TMEM63C: variants seen among roughly 807,000 people sequenced by gnomAD.
The protein encoded by TMEM63C is osmosensitive cation channel TMEM63C.
TMEM63C carries 32 observed loss-of-function variants against 99.2 expected under a neutral mutation model. That is an observed-to-expected ratio of 0.32 (90% CI 0.24 to 0.43). TMEM63C has a LOEUF of 0.43. TMEM63C is among the 20% of genes least tolerant of loss of function. TMEM63C has a pLI of 1.00. For missense variants in TMEM63C, 826 were observed against 1,053.0 expected (o/e 0.78, Z 2.98); for synonymous variants, 376 against 397.9 (o/e 0.94, Z 0.66).
intron 1 of TMEM63C, among the ~76,000 whole-genome samples, chr14:77,186,801 C>CTG (rs1240827650): frequency 0.12 from 17,968 of 146,364 alleles, 1,147 homozygotes; most frequent in South Asian, 0.16. Flanking sequence ...GTGTGTGTGT[C>CTG]TGTGTGTGTG....
chr14:77,234,201 C>T (rs406472), intron 8 of TMEM63C, among the ~76,000 whole-genome samples: 9,814 of 152,278 alleles, frequency 0.064, 412 homozygotes, highest in Admixed American at 0.1. Context: ...GCAGAAGCAG[C>T]TCCAGCAAGT....
At chr14:77,215,479 T>C (rs2140105958) in intron 2 of TMEM63C, among the ~76,000 whole-genome samples, 1 of 151,108 alleles carries the variant, frequency 6.6e-6, no homozygotes, top group East Asian at 2.0e-4. Context: ...TGGGCACCTG[T>C]AGTCCGAGCT....
rs116692631 is a variant in TMEM63C, at chr14:77,197,846, G to A, written c.-76-15600G>A. ...TAATGTTTGTTGGGAGAGGGTTTCC[G>A]CTCTCAGAGTGGGTGAACTGAGTCC... On this transcript the variant is annotated intron_variant, in intron 1 of 23. Transcript: ENST00000298351. Among the ~76,000 whole-genome samples, 438 of 152,326 alleles carry A rather than the reference G, an allele frequency of 2.9e-3. 3 individuals are homozygous for A. The highest frequency in any genetic ancestry group is 0.01 in the African/African-American group (417 of 41,578).
chr14:77,191,923 A>T (rs941451202), intron 1 of TMEM63C, among the ~76,000 whole-genome samples: 1 of 152,036 alleles, frequency 6.6e-6, no homozygotes, highest in Non-Finnish European at 1.5e-5. Context: ...TCCAATTATT[A>T]TTGTGGTGTG....
chr14:77,204,685 G>A lies in TMEM63C; in HGVS notation c.-76-8761G>A, dbSNP rs1723233733. Reference sequence around the variant, plus strand: ...CCGTAAACAACATCGAATGTACTAGGTACAACAAGGAAAATTATACTTAAC... The same window carrying A: ...CCGTAAACAACATCGAATGTACTAGATACAACAAGGAAAATTATACTTAAC... On this transcript the variant is annotated intron_variant, in intron 1 of 23. Coordinates refer to ENST00000298351, the MANE Select transcript of TMEM63C (RefSeq NM_020431.4). 2.0e-5 allele frequency among the ~76,000 whole-genome samples: 3 copies of A among 152,180 alleles called. No individual in the cohort carries two copies. In the South Asian group the frequency reaches 6.2e-4, roughly 31 times the overall value.
chr14:77,192,359 A>G (rs1888126043), intron 1 of TMEM63C, among the ~76,000 whole-genome samples: 1 of 152,218 alleles, frequency 6.6e-6, no homozygotes, highest in African/African-American at 2.4e-5. Flanking sequence ...TCCTAGGTCC[A>G]GTAGAGTGGA....
chr14:77,225,722 C>T (rs774944440), intron 6 of TMEM63C, among the ~76,000 whole-genome samples: 30 of 152,140 alleles, frequency 2.0e-4, no homozygotes, highest in Admixed American at 4.6e-4. Context: ...AATCATTACT[C>T]GCGTGCTTAT....
chr14:77,219,058 G>A lies in TMEM63C; in HGVS notation c.150+95G>A, dbSNP rs556627903. Reference sequence around the variant, plus strand: ...AGTGGGGGACCCAGTTGTCCAAATGGACAACAACAACATTGATACAAACTG... The same window carrying A: ...AGTGGGGGACCCAGTTGTCCAAATGAACAACAACAACATTGATACAAACTG... On this transcript the variant is annotated intron_variant, in intron 3 of 23. Transcript: ENST00000298351. The A allele has an allele frequency of 3.4e-4, 449 of 1,316,012 alleles. 4 individuals carry two copies. In the South Asian group the frequency reaches 6.9e-3, roughly 20 times the overall value. The allele number at this position is 1,316,012 out of a possible 1,614,324, so 81.5% of individuals were successfully genotyped here. A position where few individuals can be genotyped will look rare whatever the true frequency, so the allele number is the denominator to read the frequency against.
intron 6 of TMEM63C, among the ~76,000 whole-genome samples, chr14:77,225,809 C>T (rs901374099): frequency 1.3e-5 from 2 of 152,058 alleles, no homozygotes; most frequent in African/African-American, 4.8e-5. Context: ...CTGTGAACAT[C>T]ATTCAACATA....
At chr14:77,243,167 G>C in intron 15 of TMEM63C, 111 bp downstream of exon 15, 1 of 1,294,740 alleles carries the variant, frequency 7.7e-7, no homozygotes. Context: ...AGCCCATACA[G>C]TGCGAACATT....
At chr14:77,198,700 G>A (rs1353486721) in intron 1 of TMEM63C, among the ~76,000 whole-genome samples, 13 of 152,196 alleles carry the variant, frequency 8.5e-5, no homozygotes, top group Non-Finnish European at 1.0e-4. Flanking sequence ...AATAGTGGTG[G>A]TTTTTGGCAG....
intron 2 of TMEM63C, among the ~76,000 whole-genome samples, chr14:77,215,569 C>T (rs1437913710): frequency 6.1e-5 from 8 of 132,142 alleles, no homozygotes; most frequent in Non-Finnish European, 1.1e-4. Flanking sequence ...CCACTGCACT[C>T]CAGCCTAAGC....
chr14:77,183,241 C>A (rs1309922212), intron 1 of TMEM63C, among the ~76,000 whole-genome samples: 1 of 152,104 alleles, frequency 6.6e-6, no homozygotes, highest in African/African-American at 2.4e-5. Flanking sequence ...TCCCCAGCCA[C>A]CAAAGGGCAG....
intron 9 of TMEM63C, among the ~76,000 whole-genome samples, chr14:77,238,313 T>C (rs1889096590): frequency 6.6e-6 from 1 of 151,970 alleles, no homozygotes; most frequent in African/African-American, 2.4e-5. Flanking sequence ...CACTGTGGGG[T>C]CGCTCTGGCA....
At chr14:77,224,728 ATGC>A (rs1888786907) in intron 5 of TMEM63C, among the ~76,000 whole-genome samples, 1 of 152,138 alleles carries the variant, frequency 6.6e-6, no homozygotes, top group Admixed American at 6.5e-5. Context: ...GGCATCAAAG[ATGC>A]CACCAAACCA....
chr14:77,193,485 C>G (rs537959114), intron 1 of TMEM63C, among the ~76,000 whole-genome samples: 2 of 152,044 alleles, frequency 1.3e-5, no homozygotes, highest in Admixed American at 6.6e-5. Context: ...CACCTGAGCC[C>G]AGGAGTTTGA....
intron 17 of TMEM63C, 129 bp from the exon 18 acceptor site, chr14:77,246,480 A>G: frequency 1.3e-6 from 1 of 783,062 alleles, no homozygotes; most frequent in Non-Finnish European, 2.1e-6. Flanking sequence ...GAAGAGGGGA[A>G]GTGTGGACTG....
intron 14 of TMEM63C, 96 bp downstream of exon 14, chr14:77,242,565 A>G (rs1036587074): frequency 6.7e-7 from 1 of 1,482,460 alleles, no homozygotes. Context: ...ATTGCCCAAC[A>G]GAGACTCCAA....
At chr14:77,240,955 T>TTTTTTC in intron 13 of TMEM63C, among the ~76,000 whole-genome samples, 2 of 115,566 alleles carry the variant, frequency 1.7e-5, no homozygotes, top group African/African-American at 3.3e-5. Context: ...TTCTTTTTTT[T>TTTTTTC]TTTTTTTCTT....
Sources: allele counts gnomAD v4.1 joint callset (sites outside exome capture counted in the v4.1 genomes callset), GRCh38; gene constraint gnomAD v4.1.1; transcripts MANE v1.5; gene names NCBI Gene and HGNC (gene_info 2026-07-23, HGNC 2026-07-21).